The following PLEKHM1 variants were observed in gnomAD, a reference collection of about 807,000 sequenced individuals.
PLEKHM1 encodes the protein pleckstrin homology domain-containing family M member 1.
Under a neutral mutation model 94.3 loss-of-function variants are expected in PLEKHM1, and 28 were observed. That is an observed-to-expected ratio of 0.30 (90% CI 0.22 to 0.41). The LOEUF (loss-of-function observed/expected upper bound fraction) is 0.41. PLEKHM1 is among the 10% of genes least tolerant of loss of function. PLEKHM1 has a pLI of 1.00. For missense variants in PLEKHM1, 907 were observed against 1,358.6 expected (o/e 0.67, Z 5.22); for synonymous variants, 424 against 581.2 (o/e 0.73, Z 3.89).
At chr17:45,439,015 G>A (rs530394394) in intron 11 of PLEKHM1, among the ~76,000 whole-genome samples, 84 of 152,322 alleles carry the variant, frequency 5.5e-4, no homozygotes, top group South Asian at 2.3e-3. Context: ...GAGAGGTTGC[G>A]GATAATGAGC....
chr17:45,450,443 C>T (rs910568495), intron 8 of PLEKHM1, among the ~76,000 whole-genome samples, 175 bp downstream of exon 8: 3 of 152,226 alleles, frequency 2.0e-5, no homozygotes, highest in African/African-American at 7.2e-5. Flanking sequence ...AGGCTGTGGA[C>T]AGGCACCAAG....
intron 1 of PLEKHM1, among the ~76,000 whole-genome samples, chr17:45,484,356 T>C (rs887356672): frequency 6.6e-6 from 1 of 152,172 alleles, no homozygotes; most frequent in African/African-American, 2.4e-5. Context: ...TCTTGAAGGC[T>C]TCATCTACGT....
In PLEKHM1 at chr17:45,436,129, C is replaced by T. The variant is rs1278160944; in HGVS notation, c.*1729G>A. ...GGCAGCTTCTGGGGAACGGGCCCCCCAGGGCCTCAAACCTGCTGCCTCCGA... is the reference window on the plus strand; with the variant it reads ...GGCAGCTTCTGGGGAACGGGCCCCCTAGGGCCTCAAACCTGCTGCCTCCGA... On this transcript the variant is annotated 3_prime_UTR_variant, in exon 12 of 12. Coordinates refer to ENST00000430334, the MANE Select transcript of PLEKHM1 (RefSeq NM_014798.3). 2.2e-6 allele frequency: 1 copy of T among 456,286 alleles called. No homozygotes were observed. The allele number at this position is 456,286 out of a possible 1,614,324, so 28.3% of individuals were successfully genotyped here.
intron 7 of PLEKHM1, among the ~76,000 whole-genome samples, chr17:45,451,225 G>C (rs1056115883): frequency 3.9e-5 from 6 of 152,228 alleles, no homozygotes; most frequent in Non-Finnish European, 7.3e-5. Context: ...GAAGTAGCTG[G>C]GGGACAGGGA....
chr17:45,475,058 G>C (rs757541341), intron 4 of PLEKHM1, 42 bp downstream of exon 4: 2 of 1,609,952 alleles, frequency 1.2e-6, no homozygotes, highest in Non-Finnish European at 1.7e-6. Context: ...AAAGAAAGGA[G>C]GGAAGAGAGA....
chr17:45,477,295 G>A (rs1400928925), intron 3 of PLEKHM1: 2 of 165,548 alleles, frequency 1.2e-5, no homozygotes, highest in Non-Finnish European at 2.7e-5. Flanking sequence ...TTAGCTGGGC[G>A]TGATGGTGCG....
intron 3 of PLEKHM1, 161 bp downstream of exon 3, chr17:45,477,739 T>C: frequency 2.5e-6 from 2 of 789,378 alleles, no homozygotes; most frequent in South Asian, 3.1e-5. Context: ...GGTCTAGAGA[T>C]AAGCCTTTCT....
chr17:45,452,243 G>C (rs1038359659), intron 7 of PLEKHM1, among the ~76,000 whole-genome samples: 8 of 150,808 alleles, frequency 5.3e-5, no homozygotes, highest in Non-Finnish European at 8.9e-5. Context: ...TGCCCTCTAG[G>C]GTCCTGCCTA....
Position 45,453,028 on chromosome 17 carries a change from A to G in PLEKHM1, c.2497+327T>C, listed in dbSNP as rs2050818234. On this transcript the variant is annotated intron_variant, in intron 7 of 11. Coordinates refer to ENST00000430334, the MANE Select transcript of PLEKHM1 (RefSeq NM_014798.3). The surrounding 1 kb of genome is among the most constrained non-coding windows in gnomAD (Gnocchi z 4.1). The stretch of plus-strand genomic sequence containing the variant: ...GGAAGGAAACCATGCCCCTGCTCTG[A>G]AAGAACAGGACGGTAGAGCAAGAAG... 1 of 531,834 alleles carries G rather than the reference A, an allele frequency of 1.9e-6. No individual in the cohort carries two copies. The highest frequency in any genetic ancestry group is 3.1e-5 in the Admixed American group (1 of 31,760). 32.9% of individuals were successfully genotyped at this position (531,834 alleles called of 1,614,324 possible). A position where few individuals can be genotyped will look rare whatever the true frequency, so the allele number is the denominator to read the frequency against.
intron 6 of PLEKHM1, 94 bp downstream of exon 6, chr17:45,458,075 C>T (rs1375361931): frequency 1.6e-5 from 15 of 915,934 alleles, no homozygotes; most frequent in Non-Finnish European, 1.9e-5. Flanking sequence ...AACACACTAC[C>T]CCTTTAGCAA....
chr17:45,441,317 T>C (rs1299254518), intron 9 of PLEKHM1, among the ~76,000 whole-genome samples: 1 of 152,126 alleles, frequency 6.6e-6, no homozygotes, highest in Non-Finnish European at 1.5e-5. Flanking sequence ...TTGTCCCAGC[T>C]GGTGGCTCAG....
intron 9 of PLEKHM1, among the ~76,000 whole-genome samples, chr17:45,441,593 C>T (rs1037064768): frequency 9.2e-5 from 14 of 152,134 alleles, no homozygotes; most frequent in African/African-American, 2.7e-4. Context: ...TGACCACAGT[C>T]GTGGAAGCCC....
In PLEKHM1 at chr17:45,436,494, T is replaced by C. The variant is rs1363372765; in HGVS notation, c.*1364A>G. 2.2e-6 allele frequency: 1 copy of C among 453,488 alleles called. No homozygotes were observed. Among genetic ancestry groups the C allele is most frequent in the Middle Eastern group, 6.9e-4 (1 of 1,446 alleles). The allele number at this position is 453,488 out of a possible 1,614,324, so 28.1% of individuals were successfully genotyped here. A position where few individuals can be genotyped will look rare whatever the true frequency, so the allele number is the denominator to read the frequency against. The stretch of plus-strand genomic sequence containing the variant: ...GGTGGGCTCATCTCTGACAGTGACA[T>C]GCGGCTCTCCACCTGAGGCCTGACT... On this transcript the variant is annotated 3_prime_UTR_variant, in exon 12 of 12. Transcript: ENST00000430334.
intron 6 of PLEKHM1, among the ~76,000 whole-genome samples, chr17:45,457,560 C>CAA (rs562466401): frequency 7.9e-6 from 1 of 127,054 alleles, no homozygotes. Context: ...AACTCCACCT[C>CAA]AAAAAAAAAA....
At chr17:45,484,150 A>G (rs1229134372) in intron 1 of PLEKHM1, among the ~76,000 whole-genome samples, 1 of 152,222 alleles carries the variant, frequency 6.6e-6, no homozygotes, top group Non-Finnish European at 1.5e-5. Context: ...CACATGGGAG[A>G]TAACAGGCCC....
chr17:45,470,610 C>A (rs1199429954), intron 4 of PLEKHM1, among the ~76,000 whole-genome samples: 1 of 150,874 alleles, frequency 6.6e-6, no homozygotes, highest in East Asian at 2.0e-4. Context: ...GCCTGGGCAA[C>A]AAAGTGAAAC....
intron 1 of PLEKHM1, among the ~76,000 whole-genome samples, chr17:45,484,146 G>A (rs977053177): frequency 1.3e-5 from 2 of 152,148 alleles, no homozygotes; most frequent in Non-Finnish European, 2.9e-5. Flanking sequence ...ACATCACATG[G>A]GAGATAACAG....
intron 6 of PLEKHM1, among the ~76,000 whole-genome samples, chr17:45,455,742 C>T (rs1358169023): frequency 2.6e-5 from 4 of 152,324 alleles, no homozygotes; most frequent in East Asian, 3.9e-4. Flanking sequence ...TCATCTCTGG[C>T]CTGGCTTGTG....
Position 45,436,405 on chromosome 17 carries a change from C to G in PLEKHM1, c.*1453G>C. 2.2e-6 allele frequency: 1 copy of G among 453,894 alleles called. No homozygotes were observed. Among genetic ancestry groups the G allele is most frequent in the Non-Finnish European group, 4.4e-6 (1 of 226,552 alleles). The allele number at this position is 453,894 out of a possible 1,614,324, so 28.1% of individuals were successfully genotyped here. A position where few individuals can be genotyped will look rare whatever the true frequency, so the allele number is the denominator to read the frequency against. Reference sequence around the variant, plus strand: ...CCACCGTTGCCTCTGTTCTGCTGCACAGGCATCCAGCTCCAAGGCTGGGTG... The same window carrying G: ...CCACCGTTGCCTCTGTTCTGCTGCAGAGGCATCCAGCTCCAAGGCTGGGTG... On this transcript the variant is annotated 3_prime_UTR_variant, in exon 12 of 12. Transcript: ENST00000430334.
Sources: gnomAD v4.1 joint callset for allele counts (sites outside exome capture counted in the v4.1 genomes callset) on GRCh38, gnomAD v4.1.1 for gene constraint, Gnocchi (gnomAD v3.1) non-coding constraint, MANE v1.5 for transcripts, NCBI Gene and HGNC (gene_info 2026-07-23, HGNC 2026-07-21) for gene names.